EPHA5: variants seen among roughly 807,000 people sequenced by gnomAD.
EPHA5 encodes EPH receptor A5.
EPHA5 carries 60 observed loss-of-function variants against 105.0 expected under a neutral mutation model. The observed-to-expected ratio is 0.57, with a 90% confidence interval of 0.46 to 0.71. The LOEUF (loss-of-function observed/expected upper bound fraction) is 0.71, where lower values mean the gene tolerates loss of function less well. Among genes scored for constraint, EPHA5 ranks in the 30% least tolerant of loss-of-function variants. EPHA5 has a pLI of 0.00. For missense variants in EPHA5, 1,218 were observed against 1,274.7 expected, an observed-to-expected ratio of 0.96 and a Z score of 0.68; for synonymous variants, 513 against 449.1, an observed-to-expected ratio of 1.14 and a Z score of -1.80.
At chr4:65,612,184 T>A (rs1744840936) in intron 2 of EPHA5, among the ~76,000 whole-genome samples, 2 of 152,138 alleles carry the variant, frequency 1.3e-5, no homozygotes, top group Non-Finnish European at 2.9e-5. Flanking sequence ...AGTGCTCTTT[T>A]GTTGCATGGA....
chr4:65,399,768 A>T (rs1721628165), intron 8 of EPHA5, among the ~76,000 whole-genome samples: 1 of 152,206 alleles, frequency 6.6e-6, no homozygotes, highest in South Asian at 2.1e-4. Context: ...GCATGCTTGA[A>T]ATTTAATTAA....
rs748346635 is a variant in EPHA5 at position 65,495,403 on chromosome 4, T to C, written c.1051A>G (p.Thr351Ala). 3 of 1,613,004 alleles carry C rather than the reference T, an allele frequency of 1.9e-6. No homozygotes were observed. Among genetic ancestry groups the C allele is most frequent in the Admixed American group, 1.7e-5 (1 of 59,814 alleles). The change falls in exon 4 of 17, where the codon ACA becomes GCA. Residue 351 changes from threonine (T) to alanine (A), a missense_variant. Thr to Ala is a moderately conservative substitution (Grantham distance 58). Around this residue, in one of 3 missense-constraint regions of EPHA5, gnomAD observed 971 missense variants for 1,013.5 expected, o/e 0.96. Transcript: ENST00000613740. ...GTTTCCTTACTTGTGCATGCCATTG[T>C]GGGTGGATCAGACTCTCTCCTGAAA... ...DYFRRESDPPTMACTRPPSAP... is the reference protein window; with the variant it reads ...DYFRRESDPPAMACTRPPSAP...
At chr4:65,656,595 A>G (rs956152274) in intron 1 of EPHA5, among the ~76,000 whole-genome samples, 3 of 147,282 alleles carry the variant, frequency 2.0e-5, no homozygotes, top group African/African-American at 7.4e-5. Context: ...TATTATATAT[A>G]TATAATATAT....
At chr4:65,575,568 T>C (rs1740814602) in intron 3 of EPHA5, among the ~76,000 whole-genome samples, 1 of 152,112 alleles carries the variant, frequency 6.6e-6, no homozygotes, top group Non-Finnish European at 1.5e-5. Flanking sequence ...TATGAAGCAA[T>C]TGAGCTTACA....
In EPHA5 at chr4:65,394,274, T is replaced by A. The variant is rs1349662824; in HGVS notation, c.1793+10100A>T. Among the ~76,000 whole-genome samples the A allele has an allele frequency of 3.3e-5, 5 of 152,302 alleles. No individual in the cohort carries two copies. The East Asian group carries it at 9.7e-4, about 29-fold the overall frequency. On this transcript the variant is annotated intron_variant, in intron 8 of 16. Coordinates refer to ENST00000613740, the MANE Select transcript of EPHA5 (RefSeq NM_001281766.3). ...TTTTAAAATGTAAATTCCATTATTT[T>A]TAGCAGCAGAAAATCAGAGGCTTCC...
At chr4:65,598,013 A>G (rs1743354493) in intron 3 of EPHA5, among the ~76,000 whole-genome samples, 1 of 152,240 alleles carries the variant, frequency 6.6e-6, no homozygotes, top group African/African-American at 2.4e-5. Flanking sequence ...CTGCCAGCAC[A>G]GACTAAGAAA....
At chr4:65,527,415 G>A (rs1185686219) in intron 3 of EPHA5, among the ~76,000 whole-genome samples, 1 of 152,112 alleles carries the variant, frequency 6.6e-6, no homozygotes, top group East Asian at 1.9e-4. Context: ...TTCTGAATTA[G>A]CGATAGACAC....
chr4:65,350,386 T>C (rs1162748299), intron 13 of EPHA5, among the ~76,000 whole-genome samples: 1 of 152,012 alleles, frequency 6.6e-6, no homozygotes, highest in Non-Finnish European at 1.5e-5. Context: ...AAAACCCTTA[T>C]AATCTGAAAA....
At chr4:65,593,214 A>G (rs1474933419) in intron 3 of EPHA5, among the ~76,000 whole-genome samples, 1 of 152,204 alleles carries the variant, frequency 6.6e-6, no homozygotes, top group African/African-American at 2.4e-5. Flanking sequence ...GTCAAAAATT[A>G]AATAATTACC....
At chr4:65,493,876 A>G (rs555062610) in intron 4 of EPHA5, among the ~76,000 whole-genome samples, 30 of 152,282 alleles carry the variant, frequency 2.0e-4, no homozygotes, top group Non-Finnish European at 4.3e-4. Context: ...GAAAATAACA[A>G]TTAGAAAATT....
chr4:65,472,431 G>T (rs185180838), intron 5 of EPHA5, among the ~76,000 whole-genome samples: 394 of 152,278 alleles, frequency 2.6e-3, no homozygotes, highest in African/African-American at 9.1e-3. Context: ...TGGGTGCTCC[G>T]ACCCCACATT....
intron 3 of EPHA5, among the ~76,000 whole-genome samples, chr4:65,528,313 A>G (rs2149295602): frequency 6.6e-6 from 1 of 152,208 alleles, no homozygotes; most frequent in Admixed American, 6.5e-5. Flanking sequence ...ATTAAACTGA[A>G]ATATAATGTG....
chr4:65,528,837 G>A (rs1390537058), intron 3 of EPHA5, among the ~76,000 whole-genome samples: 2 of 151,994 alleles, frequency 1.3e-5, no homozygotes, highest in Non-Finnish European at 2.9e-5. Flanking sequence ...AGACCATTCT[G>A]GCATTAATGC....
intron 1 of EPHA5, among the ~76,000 whole-genome samples, chr4:65,652,049 T>C (rs972150657): frequency 6.6e-6 from 1 of 152,188 alleles, no homozygotes; most frequent in Non-Finnish European, 1.5e-5. Context: ...TAATCTTACA[T>C]ATTGTTTTTA....
At chr4:65,444,892 T>TA (rs1429960167) in intron 5 of EPHA5, among the ~76,000 whole-genome samples, 4 of 152,014 alleles carry the variant, frequency 2.6e-5, no homozygotes, top group Admixed American at 2.6e-4. Context: ...CCTGGGTACC[T>TA]AAAAAAATTG....
intron 5 of EPHA5, among the ~76,000 whole-genome samples, chr4:65,490,046 A>G (rs73222176): frequency 0.044 from 6,649 of 152,268 alleles, 482 homozygotes; most frequent in African/African-American, 0.15. Flanking sequence ...AACAAAAAAT[A>G]GATTTGAGTT....
intron 8 of EPHA5, among the ~76,000 whole-genome samples, chr4:65,375,550 C>A (rs1486267686): frequency 1.3e-5 from 2 of 151,856 alleles, no homozygotes; most frequent in Non-Finnish European, 2.9e-5. Flanking sequence ...CCAAAGCTAG[C>A]CTTTTCCAAT....
chr4:65,440,592 A>C (rs1356905825), intron 5 of EPHA5, among the ~76,000 whole-genome samples: 1 of 151,890 alleles, frequency 6.6e-6, no homozygotes, highest in Non-Finnish European at 1.5e-5. Context: ...CGATTACTTC[A>C]TAGTAAAAAA....
chr4:65,438,624 A>G (rs1174904386), intron 5 of EPHA5, among the ~76,000 whole-genome samples: 1 of 152,036 alleles, frequency 6.6e-6, no homozygotes, highest in Non-Finnish European at 1.5e-5. Context: ...GAAGCTTAAA[A>G]TGGAAACTCT....
Sources: allele counts gnomAD v4.1 joint callset (sites outside exome capture counted in the v4.1 genomes callset), GRCh38; gene constraint gnomAD v4.1.1; regional missense constraint gnomAD v4.1.1; transcripts MANE v1.5; gene names NCBI Gene and HGNC (gene_info 2026-07-23, HGNC 2026-07-21).